The following RNF13 variants were observed in gnomAD, a reference collection of about 807,000 sequenced individuals.
RNF13 encodes E3 ubiquitin-protein ligase RNF13.
In RNF13, 19 loss-of-function variants were observed where a neutral mutation model predicts 37.7. The observed-to-expected ratio is 0.50, with a 90% CI of 0.35 to 0.74. RNF13 has a LOEUF of 0.74. Ranked by LOEUF, RNF13 falls within the 30% of genes least tolerant of loss-of-function variation. The probability of loss-of-function intolerance (pLI) is 0.01; values close to 1 mark genes in which losing one functional copy is unlikely to be tolerated. For missense variants in RNF13, 375 were observed against 453.0 expected, an observed-to-expected ratio of 0.83 and a Z score of 1.56; for synonymous variants, 144 against 157.8, an observed-to-expected ratio of 0.91 and a Z score of 0.65.
At chr3:149,877,289 G>A (rs1712832688) in intron 4 of RNF13, among the ~76,000 whole-genome samples, 1 of 151,966 alleles carries the variant, frequency 6.6e-6, no homozygotes, top group African/African-American at 2.4e-5. Context: ...CAGTATCACT[G>A]GAACTTTCCA....
chr3:149,857,020 T>A (rs943937686), intron 3 of RNF13, among the ~76,000 whole-genome samples: 3 of 152,174 alleles, frequency 2.0e-5, no homozygotes, highest in Admixed American at 2.0e-4. Context: ...AGTGCTGGGA[T>A]ACAGGCGTGA....
chr3:149,903,929 ATCTG>A (rs897028375), intron 6 of RNF13, among the ~76,000 whole-genome samples: 1 of 147,384 alleles, frequency 6.8e-6, no homozygotes, highest in African/African-American at 2.5e-5. Context: ...CTATCTATAT[ATCTG>A]TCTATCTGTC....
chr3:149,843,962 C>A (rs1360085208), intron 1 of RNF13, among the ~76,000 whole-genome samples: 1 of 152,184 alleles, frequency 6.6e-6, no homozygotes, highest in Non-Finnish European at 1.5e-5. Flanking sequence ...TTATTCCAAT[C>A]TTTTATTTTC....
At chr3:149,900,773 A>T (rs1034439143) in intron 5 of RNF13, among the ~76,000 whole-genome samples, 17 of 152,004 alleles carry the variant, frequency 1.1e-4, no homozygotes, top group Non-Finnish European at 2.5e-4. Context: ...TTCTTGACTA[A>T]TATTTTTTGT....
At chr3:149,893,161 T>C (rs1714897095) in intron 4 of RNF13, among the ~76,000 whole-genome samples, 1 of 152,244 alleles carries the variant, frequency 6.6e-6, no homozygotes, top group Admixed American at 6.5e-5. Context: ...TTACTCATTA[T>C]GTAAGCTCAG....
chr3:149,871,063 A>G (rs1466104547), intron 3 of RNF13, among the ~76,000 whole-genome samples: 1 of 129,852 alleles, frequency 7.7e-6, no homozygotes, highest in Non-Finnish European at 1.6e-5. Flanking sequence ...TTTTTCCGAG[A>G]CGGAGTTTCG....
At chr3:149,816,897 A>T (rs1221171911) in intron 1 of RNF13, among the ~76,000 whole-genome samples, 1 of 152,188 alleles carries the variant, frequency 6.6e-6, no homozygotes, top group Non-Finnish European at 1.5e-5. Flanking sequence ...GATTTGAAAG[A>T]TGTTGACATT....
intron 1 of RNF13, among the ~76,000 whole-genome samples, chr3:149,826,203 C>T (rs1271422781): frequency 2.6e-5 from 4 of 152,298 alleles, no homozygotes; most frequent in South Asian, 4.1e-4. Flanking sequence ...TAATCCATGG[C>T]ATCACAATTA....
At chr3:149,836,616 A>T (rs1223034471) in intron 1 of RNF13, among the ~76,000 whole-genome samples, 1 of 151,980 alleles carries the variant, frequency 6.6e-6, no homozygotes, top group African/African-American at 2.4e-5. Context: ...ATGGTATGGC[A>T]GTTCTTTAAA....
chr3:149,928,773 G>T (rs995468256), intron 8 of RNF13, among the ~76,000 whole-genome samples: 1 of 152,136 alleles, frequency 6.6e-6, no homozygotes, highest in African/African-American at 2.4e-5. Flanking sequence ...GGGTAGTCTT[G>T]ACATCTTAAC....
intron 3 of RNF13, among the ~76,000 whole-genome samples, chr3:149,859,096 T>C (rs1723958395): frequency 6.6e-6 from 1 of 152,202 alleles, no homozygotes. Flanking sequence ...TTTTGTGATG[T>C]GAAGAAAGCC....
chr3:149,934,857 A>G (rs148517346), intron 8 of RNF13, among the ~76,000 whole-genome samples: 77 of 152,252 alleles, frequency 5.1e-4, no homozygotes, highest in African/African-American at 1.9e-3. Context: ...GACTCAAGTG[A>G]TCTGCCTGCC....
chr3:149,893,890 A>G (rs1362967974), intron 4 of RNF13: 2 of 152,212 alleles, frequency 1.3e-5, no homozygotes, highest in Non-Finnish European at 2.9e-5. Context: ...TGCCATTCCT[A>G]CAGTAGAGCA....
intron 6 of RNF13, among the ~76,000 whole-genome samples, chr3:149,909,615 C>T (rs1716783555): frequency 6.6e-6 from 1 of 151,938 alleles, no homozygotes; most frequent in Admixed American, 6.6e-5. Flanking sequence ...CCTTTAAAAT[C>T]CCCACAATAT....
intron 8 of RNF13, among the ~76,000 whole-genome samples, chr3:149,946,163 C>T (rs576921241): frequency 1.3e-5 from 2 of 152,248 alleles, no homozygotes; most frequent in East Asian, 3.9e-4. Flanking sequence ...AATCTAAAAA[C>T]CTTGAGAAAA....
intron 8 of RNF13, among the ~76,000 whole-genome samples, chr3:149,923,343 G>A (rs964451700): frequency 6.6e-6 from 1 of 152,144 alleles, no homozygotes; most frequent in Non-Finnish European, 1.5e-5. Flanking sequence ...TCCCACCTCA[G>A]CTTCTCATGT....
At chr3:149,916,354 G>A (rs2108526667) in intron 7 of RNF13, among the ~76,000 whole-genome samples, 1 of 152,198 alleles carries the variant, frequency 6.6e-6, no homozygotes, top group Admixed American at 6.5e-5. Flanking sequence ...ATATCCATCT[G>A]TGCCTTTCAC....
intron 2 of RNF13, among the ~76,000 whole-genome samples, chr3:149,851,948 A>G (rs1273142135): frequency 6.6e-6 from 1 of 152,178 alleles, no homozygotes; most frequent in African/African-American, 2.4e-5. Context: ...GAAGGGGGAA[A>G]ATTGTTAAAG....
intron 6 of RNF13, among the ~76,000 whole-genome samples, chr3:149,909,443 T>TC (rs1259135843): frequency 2.2e-4 from 1 of 4,588 alleles, no homozygotes; most frequent in Non-Finnish European, 4.2e-4. Flanking sequence ...GCCTGGTTAA[T>TC]TTTTTTTTTT....
Sources: allele counts gnomAD v4.1 joint callset (sites outside exome capture counted in the v4.1 genomes callset), GRCh38; gene constraint gnomAD v4.1.1; transcripts MANE v1.5; gene names NCBI Gene and HGNC (gene_info 2026-07-23, HGNC 2026-07-21).